The following TTC16 variants were observed in gnomAD, a reference collection of about 807,000 sequenced individuals.
TTC16 encodes tetratricopeptide repeat protein 16.
In TTC16, 66 loss-of-function variants were observed where a neutral mutation model predicts 80.4. The ratio of observed to expected loss-of-function variants is 0.82; its 90% CI spans 0.67 to 1.01. TTC16 has a LOEUF of 1.01. TTC16 is among the 50% of genes least tolerant of loss of function. TTC16 has a pLI of 0.00. For synonymous variants in TTC16, 438 were observed against 451.3 expected (o/e 0.97, Z 0.37); for missense variants, 1,070 against 1,103.2 (o/e 0.97, Z 0.43).
chr9:127,724,948 C>A (rs1304539989), intron 9 of TTC16, 51 bp downstream of exon 9: 1 of 1,441,816 alleles, frequency 6.9e-7, no homozygotes, highest in South Asian at 1.5e-5. Context: ...GAGGGCAGGG[C>A]GGGCAGGAGG....
At chr9:127,730,034 G>A (rs1013536822) in intron 13 of TTC16, 6 of 275,174 alleles carry the variant, frequency 2.2e-5, no homozygotes, top group Non-Finnish European at 3.5e-5. Context: ...GCCCCAAGGC[G>A]GGTGTGCGCA....
intron 6 of TTC16, 93 bp from the exon 7 acceptor site, chr9:127,723,026 G>A: frequency 2.3e-6 from 3 of 1,294,534 alleles, no homozygotes; most frequent in African/African-American, 1.5e-5. Flanking sequence ...GCACGGAGGA[G>A]GCATGGTGTG....
At position 127,724,221 on chromosome 9, in the gene TTC16, A is replaced by C; in HGVS notation, c.974A>C (p.Gln325Pro). 5.0e-6 allele frequency: 8 copies of C among 1,613,132 alleles called. No individual in the cohort carries two copies. Among genetic ancestry groups the C allele is most frequent in the Non-Finnish European group, 6.8e-6 (8 of 1,180,018 alleles). The stretch of plus-strand genomic sequence containing the variant: ...GAGGACCAGGAGGACATGGTGCGGC[A>C]GGCACAGCGCCAGCTGTTGCTGACC... ...VTEDQEDMVRQAQRQLLLTYN... is the reference protein window; with the variant it reads ...VTEDQEDMVRPAQRQLLLTYN... Residue 325 changes from glutamine (Q) to proline (P), a missense_variant, in exon 8 of 14, where the codon CAG (glutamine) becomes CCG (proline). Transcript: ENST00000373289.
Position 127,718,075 on chromosome 9 carries a change from TTTTTA to T in TTC16, c.426+316_426+320del, listed in dbSNP as rs1253794221. ...CTAAAGAACTGAATTTTATATCTTA[TTTTTA>T]TTTTATTTTATTATTATTATTATTT... On this transcript the variant is annotated intron_variant, in intron 4 of 13. Transcript: ENST00000373289. This position sits in a 1 kb window ranked among gnomAD's most constrained non-coding sequence, Gnocchi z 4.6. Among the ~76,000 whole-genome samples, 8 of 152,120 alleles carry T rather than the reference TTTTTA, an allele frequency of 5.3e-5. No individual in the cohort carries two copies. The South Asian group carries it at 1.2e-3, about 24-fold the overall frequency.
Position 127,722,506 on chromosome 9 carries a change from C to T in TTC16, c.658-613C>T, listed in dbSNP as rs1843589362. 1.3e-5 allele frequency among the ~76,000 whole-genome samples: 2 copies of T among 152,100 alleles called. No homozygotes were observed. The highest frequency in any genetic ancestry group is 1.9e-4 in the East Asian group (1 of 5,192). ...CACAGTCAGGAGGTCACATGCTCCC[C>T]GCACCTTGAGTGGGCTTCACAGAGG... is the stretch of plus-strand genomic sequence containing the variant. On this transcript the variant is annotated intron_variant, in intron 6 of 13. Coordinates refer to ENST00000373289, the MANE Select transcript of TTC16 (RefSeq NM_144965.3). This position sits in a 1 kb window ranked among gnomAD's most constrained non-coding sequence, Gnocchi z 4.2.
rs1167536732 is a variant in TTC16, at chr9:127,726,953, A to G, written c.1426-17A>G. The G allele has an allele frequency of 6.2e-7, 1 of 1,612,768 alleles. No individual in the cohort carries two copies. ...CTCTGGCCCTCACCTGGCTCTGGTC[A>G]CCCCCTTTCGTGGCAGCTGTCCCTG... On this transcript the variant is annotated splice_polypyrimidine_tract_variant and intron_variant, in intron 10 of 13. Coordinates refer to ENST00000373289, the MANE Select transcript of TTC16 (RefSeq NM_144965.3).
rs472144 is a variant in TTC16 at position 127,727,279 on chromosome 9, A to T, written c.1578A>T (p.Lys526Asn). Residue 526 changes from lysine to asparagine, a missense_variant, in exon 12 of 14, where the codon AAA (lysine) becomes AAT (asparagine). By Grantham distance (94) the Lys-to-Asn change is moderately conservative (BLOSUM62 0). Coordinates refer to ENST00000373289, the MANE Select transcript of TTC16 (RefSeq NM_144965.3). ...GGGTATCGTTTGGCAGGATGCTTAA[A>T]CGGCACGAGTTGGAGCGCCAGAAGG... ...GSPQGIVGML[K>N]RHELERQKAL... 6.4e-7 allele frequency: 1 copy of T among 1,561,286 alleles called. No homozygotes were observed. The highest frequency in any genetic ancestry group is 8.7e-7 in the Non-Finnish European group (1 of 1,150,886).
At position 127,723,271 on chromosome 9, in the gene TTC16, A is replaced by G. The variant is rs770079380; in HGVS notation, c.810A>G (p.Ala270=). ...CTGTGCAGGGCAAGCTGCAGCACGC[A>G]CTGCAGCGGATCAACCGTGCCATCG... ...ILAVQGKLQH[A]LQRINRAIEN... is the part of the protein sequence containing the mutation. The change falls in exon 7 of 14, where the codon GCA becomes GCG. Residue 270 remains alanine (A), a synonymous_variant. Transcript: ENST00000373289. 1 of 1,612,838 alleles carries G rather than the reference A, an allele frequency of 6.2e-7. No homozygotes were observed. The highest frequency in any genetic ancestry group is 1.3e-5 in the African/African-American group (1 of 74,932).
rs1844413674 is a variant in TTC16, at chr9:127,731,465, A to G, written c.*60A>G. The G allele has an allele frequency of 6.5e-7, 1 of 1,536,848 alleles. No individual in the cohort carries two copies. The highest frequency in any genetic ancestry group is 2.1e-5 in the Admixed American group (1 of 48,736). On this transcript the variant is annotated 3_prime_UTR_variant, in exon 14 of 14. Transcript: ENST00000373289. ...GGGGACGAGTTCTACCCACCTCCCC[A>G]CACTGGCACTCAGCCAGCTGCCTCC...
chr9:127,718,276 C>G lies in TTC16; in HGVS notation c.426+504C>G, dbSNP rs571974003. Among the ~76,000 whole-genome samples the G allele has an allele frequency of 2.6e-4, 40 of 152,172 alleles. No homozygotes were observed. The South Asian group carries it at 3.1e-3, about 12-fold the overall frequency. ...CTAATTTTTTGTATTTTAGTAGAGACAGGGTTTTACTTTGTTGCCCAGGCT... is the reference window on the plus strand; with the variant it reads ...CTAATTTTTTGTATTTTAGTAGAGAGAGGGTTTTACTTTGTTGCCCAGGCT... On this transcript the variant is annotated intron_variant, in intron 4 of 13. Transcript: ENST00000373289. The surrounding 1 kb of genome is among the most constrained non-coding windows in gnomAD (Gnocchi z 4.6).
In TTC16 at chr9:127,717,553, G is replaced by A. The variant is rs1843141167; in HGVS notation, c.283-76G>A. 4 of 1,585,970 alleles carry A rather than the reference G, an allele frequency of 2.5e-6. No individual in the cohort carries two copies. In the South Asian group the frequency reaches 4.6e-5, roughly 18 times the overall value. Reference sequence around the variant, plus strand: ...TGGGAATTGGATGTCAACTCTCAGGGGGGTGGAGACTTTCCCCTACCCTCC... The same window carrying A: ...TGGGAATTGGATGTCAACTCTCAGGAGGGTGGAGACTTTCCCCTACCCTCC... On this transcript the variant is annotated intron_variant, in intron 3 of 13. Transcript: ENST00000373289.
intron 11 of TTC16, 37 bp downstream of exon 11, chr9:127,727,149 G>A (rs1466667956): frequency 1.3e-6 from 2 of 1,541,856 alleles, no homozygotes; most frequent in Non-Finnish European, 1.8e-6. Flanking sequence ...CCAGGGCTGG[G>A]GAATGGCTGC....
chr9:127,724,192 G>A lies in TTC16; in HGVS notation c.945G>A (p.Val315=). Residue 315 remains valine (V), a synonymous_variant, in exon 8 of 14, where the codon GTG becomes GTA. Transcript: ENST00000373289. ...VEDFLKVLDM[V]TEDQEDMVRQ... ...ACTTCCTGAAGGTGCTGGACATGGTGACCGAGGACCAGGAGGACATGGTGC... is the reference window on the plus strand; with the variant it reads ...ACTTCCTGAAGGTGCTGGACATGGTAACCGAGGACCAGGAGGACATGGTGC... 1 of 1,613,300 alleles carries A rather than the reference G, an allele frequency of 6.2e-7. No individual in the cohort carries two copies.
rs1376042767 is a variant in TTC16 at position 127,722,611 on chromosome 9, G to A, written c.658-508G>A. ...AGGTCACATCTGGAAAGGGCCAGCTGGCATGGGGCCTGGGATGGAATTTCT... is the reference window on the plus strand; with the variant it reads ...AGGTCACATCTGGAAAGGGCCAGCTAGCATGGGGCCTGGGATGGAATTTCT... On this transcript the variant is annotated intron_variant, in intron 6 of 13. Transcript: ENST00000373289. The surrounding 1 kb of genome is among the most constrained non-coding windows in gnomAD (Gnocchi z 4.2). Among the ~76,000 whole-genome samples the A allele has an allele frequency of 6.6e-6, 1 of 152,126 alleles. No homozygotes were observed. Among genetic ancestry groups the A allele is most frequent in the Non-Finnish European group, 1.5e-5 (1 of 68,030 alleles).
rs1843135939 is a variant in TTC16, at chr9:127,717,524, C to T, written c.282+100C>T. 20 of 1,575,240 alleles carry T rather than the reference C, an allele frequency of 1.3e-5. No individual in the cohort carries two copies. In the Admixed American group the frequency reaches 3.4e-4, roughly 27 times the overall value. On this transcript the variant is annotated intron_variant, in intron 3 of 13. Transcript: ENST00000373289. ...CCCTCCTCTCAGGGCCACCAAGTCC[C>T]TGATGGGAATTGGATGTCAACTCTC...
At chr9:127,724,624 G>A (rs984009473) in intron 8 of TTC16, 132 bp from the exon 9 acceptor site, 11 of 1,297,272 alleles carry the variant, frequency 8.5e-6, no homozygotes, top group Non-Finnish European at 1.1e-5. Flanking sequence ...GAAAACTAGA[G>A]AGGACGGAGA....
rs1337825366 is a variant in TTC16 at position 127,724,209 on chromosome 9, A to G, written c.962A>G (p.Asp321Gly). ...VLDMVTEDQEDMVRQAQRQLL... is the reference protein window; with the variant it reads ...VLDMVTEDQEGMVRQAQRQLL... ...GACATGGTGACCGAGGACCAGGAGG[A>G]CATGGTGCGGCAGGCACAGCGCCAG... Residue 321 changes from aspartate (D) to glycine (G), a missense_variant, in exon 8 of 14, where the codon GAC (aspartate) becomes GGC (glycine). Transcript: ENST00000373289. 1 of 1,613,302 alleles carries G rather than the reference A, an allele frequency of 6.2e-7. No homozygotes were observed. The highest frequency in any genetic ancestry group is 8.5e-7 in the Non-Finnish European group (1 of 1,180,024).
intron 12 of TTC16, chr9:127,729,220 G>A: frequency 5.0e-6 from 1 of 199,916 alleles, no homozygotes; most frequent in Admixed American, 5.5e-5. Context: ...ATGGATGGGG[G>A]TAAAGCCTAC....
rs1844026107 is a variant in TTC16, at chr9:127,726,938, C to T, written c.1426-32C>T. On this transcript the variant is annotated intron_variant, in intron 10 of 13. Transcript: ENST00000373289. ...GCTGTCTGTCTGCTGCTCTGGCCCTCACCTGGCTCTGGTCACCCCCTTTCG... is the reference window on the plus strand; with the variant it reads ...GCTGTCTGTCTGCTGCTCTGGCCCTTACCTGGCTCTGGTCACCCCCTTTCG... 13 of 1,612,790 alleles carry T rather than the reference C, an allele frequency of 8.1e-6. No homozygotes were observed. The East Asian group carries it at 2.7e-4, about 33-fold the overall frequency.
Sources: allele counts gnomAD v4.1 joint callset (sites outside exome capture counted in the v4.1 genomes callset), GRCh38; gene constraint gnomAD v4.1.1; non-coding constraint Gnocchi (gnomAD v3.1); transcripts MANE v1.5; gene names NCBI Gene and HGNC (gene_info 2026-07-23, HGNC 2026-07-21).